Variants in ANKRD6 observed in about 807,000 individuals in gnomAD.
The protein encoded by ANKRD6 is ankyrin repeat domain 6, also known as ankyrin repeat domain-containing protein 6.
A neutral mutation model predicts 82.3 loss-of-function variants in ANKRD6; 56 were observed. That is an observed-to-expected ratio of 0.68 (90% CI 0.55 to 0.85). The LOEUF is 0.85. Among genes scored for constraint, ANKRD6 ranks in the 40% least tolerant of loss-of-function variants. The pLI is 0.00. For missense variants in ANKRD6, 852 were observed against 907.6 expected (o/e 0.94, Z 0.79); for synonymous variants, 347 against 352.1 (o/e 0.99, Z 0.16).
At position 89,624,794 on chromosome 6, in the gene ANKRD6, C is replaced by T. The variant is rs1805028586; in HGVS notation, c.1371+103C>T. The T allele has an allele frequency of 4.1e-5, 54 of 1,318,198 alleles. No homozygotes were observed. In the South Asian group the frequency reaches 6.9e-4, roughly 17 times the overall value. 81.7% of individuals were successfully genotyped at this position (1,318,198 alleles called of 1,614,324 possible). A position where few individuals can be genotyped will look rare whatever the true frequency, so the allele number is the denominator to read the frequency against. ...CACACCCTTCCACCCTGGGAGTGTCCAGTGGGCTGTCAGGGAAGAGGCCTG... is the reference window on the plus strand; with the variant it reads ...CACACCCTTCCACCCTGGGAGTGTCTAGTGGGCTGTCAGGGAAGAGGCCTG... On this transcript the variant is annotated intron_variant, in intron 13 of 15. Transcript: ENST00000339746.
intron 7 of ANKRD6, among the ~76,000 whole-genome samples, chr6:89,614,845 A>C (rs1360657743): frequency 3.4e-5 from 5 of 147,332 alleles, no homozygotes; most frequent in South Asian, 4.5e-4. Flanking sequence ...AAGGAAAAAA[A>C]AAAAAACAAA....
intron 2 of ANKRD6, among the ~76,000 whole-genome samples, chr6:89,577,391 A>G (rs969360358): frequency 1.3e-5 from 2 of 152,200 alleles, no homozygotes; most frequent in African/African-American, 4.8e-5. Flanking sequence ...TTTCTTTGCA[A>G]GAAAGCTCTG....
At chr6:89,465,419 C>T (rs1240509605) in intron 1 of ANKRD6, among the ~76,000 whole-genome samples, 3 of 151,806 alleles carry the variant, frequency 2.0e-5, no homozygotes, top group African/African-American at 7.2e-5. Context: ...CTGCACCAGG[C>T]CTAATTATTT....
At chr6:89,447,672 C>CA (rs1772262940) in intron 1 of ANKRD6, among the ~76,000 whole-genome samples, 2 of 152,054 alleles carry the variant, frequency 1.3e-5, no homozygotes, top group East Asian at 3.9e-4. Flanking sequence ...AAGGAGAGTC[C>CA]ATTTAGGACT....
chr6:89,568,172 A>G (rs371404504), intron 2 of ANKRD6: 7 of 152,344 alleles, frequency 4.6e-5, no homozygotes, highest in African/African-American at 1.7e-4. Flanking sequence ...TGATCTACCC[A>G]TAGCACTTTC....
At chr6:89,624,771 C>T (rs1326296382) in intron 13 of ANKRD6, 80 bp downstream of exon 13, 13 of 1,482,068 alleles carry the variant, frequency 8.8e-6, no homozygotes, top group Middle Eastern at 2.3e-4. Context: ...GACTTTAGCA[C>T]ACCCTTCCAC....
At chr6:89,533,176 A>AT (rs1277009878) in intron 1 of ANKRD6, among the ~76,000 whole-genome samples, 1 of 151,568 alleles carries the variant, frequency 6.6e-6, no homozygotes, top group Non-Finnish European at 1.5e-5. Flanking sequence ...CTCCTGGCCG[A>AT]TTTTTTGTAT....
chr6:89,528,050 A>G (rs1034073482), intron 1 of ANKRD6, among the ~76,000 whole-genome samples: 13 of 152,176 alleles, frequency 8.5e-5, no homozygotes, highest in African/African-American at 2.9e-4. Flanking sequence ...GGCTCAAGCA[A>G]TCCTCCTGCC....
intron 3 of ANKRD6, among the ~76,000 whole-genome samples, chr6:89,597,520 C>T (rs1562974445): frequency 1.3e-5 from 2 of 152,344 alleles, no homozygotes. Flanking sequence ...CCCTGCCTCA[C>T]ATCCTGGGCT....
At chr6:89,470,221 T>G (rs1188206840) in intron 1 of ANKRD6, among the ~76,000 whole-genome samples, 1 of 152,166 alleles carries the variant, frequency 6.6e-6, no homozygotes, top group Non-Finnish European at 1.5e-5. Context: ...TTAAAAAAAT[T>G]TCAACATTAT....
At chr6:89,584,190 T>C (rs902910083) in intron 2 of ANKRD6, among the ~76,000 whole-genome samples, 2 of 152,166 alleles carry the variant, frequency 1.3e-5, no homozygotes, top group Non-Finnish European at 2.9e-5. Flanking sequence ...ACAAAATGCG[T>C]TGGAGGATTG....
chr6:89,463,205 A>G (rs1307713665), intron 1 of ANKRD6, among the ~76,000 whole-genome samples: 3 of 152,212 alleles, frequency 2.0e-5, no homozygotes, highest in Non-Finnish European at 2.9e-5. Flanking sequence ...AGTAAAATAT[A>G]TAAGAGCAGT....
intron 9 of ANKRD6, 114 bp from the exon 10 acceptor site, chr6:89,621,808 C>G (rs767355762): frequency 7.8e-6 from 8 of 1,029,394 alleles, no homozygotes; most frequent in South Asian, 4.1e-5. Context: ...AACACCTGCT[C>G]TCACCCTCTA....
At position 89,446,392 on chromosome 6, in the gene ANKRD6, TTAA is replaced by T. The variant is rs374023166; in HGVS notation, c.-144+13022_-144+13024del. ...AATAAATTAAATAAAATTAGGTGAA[TTAA>T]TAATCCCACAATGGCCTCTAAGCAT... On this transcript the variant is annotated intron_variant, in intron 1 of 15. Coordinates refer to ENST00000339746, the MANE Select transcript of ANKRD6 (RefSeq NM_001242809.2). Among the ~76,000 whole-genome samples, 366 of 152,112 alleles carry T rather than the reference TTAA, an allele frequency of 2.4e-3. 1 individual carries two copies. The highest frequency in any genetic ancestry group is 8.3e-3 in the African/African-American group (345 of 41,496).
chr6:89,526,242 T>C (rs552635441), intron 1 of ANKRD6, among the ~76,000 whole-genome samples: 3 of 152,340 alleles, frequency 2.0e-5, no homozygotes, highest in East Asian at 3.9e-4. Context: ...CTTTTAATGC[T>C]CCAGAGTGGT....
intron 9 of ANKRD6, chr6:89,618,327 T>A: frequency 1.6e-6 from 1 of 627,166 alleles, no homozygotes; most frequent in Non-Finnish European, 2.8e-6. Context: ...AGTTCCAGTT[T>A]AAGACATCGC....
At chr6:89,604,618 A>G (rs937633841) in intron 4 of ANKRD6, among the ~76,000 whole-genome samples, 2 of 152,214 alleles carry the variant, frequency 1.3e-5, no homozygotes, top group African/African-American at 2.4e-5. Context: ...CACCTGTGTG[A>G]GCACCCAGCT....
chr6:89,614,511 T>C (rs1801018532), intron 7 of ANKRD6, among the ~76,000 whole-genome samples: 1 of 152,066 alleles, frequency 6.6e-6, no homozygotes. Context: ...CCAGGCGTGG[T>C]GGCGTGCACC....
chr6:89,537,950 A>G (rs930370537), intron 1 of ANKRD6, among the ~76,000 whole-genome samples: 3 of 152,190 alleles, frequency 2.0e-5, no homozygotes, highest in East Asian at 3.9e-4. Flanking sequence ...TTACATGCCA[A>G]TCCCTCCCAA....
Sources: gnomAD v4.1 joint callset for allele counts (sites outside exome capture counted in the v4.1 genomes callset) on GRCh38, gnomAD v4.1.1 for gene constraint, MANE v1.5 for transcripts, NCBI Gene and HGNC (gene_info 2026-07-23, HGNC 2026-07-21) for gene names.